Variants in BCAS3 observed in about 807,000 individuals in gnomAD.
BCAS3 encodes the protein BCAS4/BCAS3 fusion.
BCAS3 carries 53 observed loss-of-function variants against 116.1 expected under a neutral mutation model. The ratio of observed to expected loss-of-function variants is 0.46; its 90% CI spans 0.37 to 0.57. The LOEUF (loss-of-function observed/expected upper bound fraction) is 0.57, where lower values mean the gene tolerates loss of function less well. Ranked by LOEUF, BCAS3 falls within the 20% of genes least tolerant of loss-of-function variation. The pLI is 0.00. For synonymous variants in BCAS3, 391 were observed against 408.2 expected (o/e 0.96, Z 0.51); for missense variants, 917 against 1,165.4 (o/e 0.79, Z 3.10).
chr17:61,296,543 C>T (rs1319489549), intron 22 of BCAS3, among the ~76,000 whole-genome samples: 1 of 152,218 alleles, frequency 6.6e-6, no homozygotes, highest in Non-Finnish European at 1.5e-5. Context: ...CCAAAGTTCT[C>T]ATTCCCCAGT....
At chr17:61,046,093 TA>T (rs1168469009) in intron 19 of BCAS3, among the ~76,000 whole-genome samples, 3 of 51,494 alleles carry the variant, frequency 5.8e-5, no homozygotes, top group African/African-American at 8.7e-5. Flanking sequence ...TATATATATA[TA>T]TAATATATAT....
At chr17:61,027,423 T>G (rs2066332611) in intron 16 of BCAS3, 1 of 439,166 alleles carries the variant, frequency 2.3e-6, no homozygotes, top group African/African-American at 2.0e-5. Flanking sequence ...ACAAAATATA[T>G]ATTTTACATA....
At position 61,235,230 on chromosome 17, in the gene BCAS3, AT is replaced by A. The variant is rs2082948232; in HGVS notation, c.2426-133094del. Among the ~76,000 whole-genome samples, 1 of 152,168 alleles carries A rather than the reference AT, an allele frequency of 6.6e-6. No homozygotes were observed. Among genetic ancestry groups the A allele is most frequent in the Non-Finnish European group, 1.5e-5 (1 of 68,034 alleles). ...CTAAGCACTTTAAATGTGTCAACTCATTTGGTCTCTTTGAAAAGAGTGGCCA... is the reference window on the plus strand; with the variant it reads ...CTAAGCACTTTAAATGTGTCAACTCATTGGTCTCTTTGAAAAGAGTGGCCA... On this transcript the variant is annotated intron_variant, in intron 22 of 23. Transcript: ENST00000407086. The surrounding 1 kb of genome is among the most constrained non-coding windows in gnomAD (Gnocchi z 5.0).
chr17:60,718,175 G>A (rs1383349205), intron 5 of BCAS3, among the ~76,000 whole-genome samples: 1 of 152,152 alleles, frequency 6.6e-6, no homozygotes, highest in Non-Finnish European at 1.5e-5. Context: ...CCTGCTGTGA[G>A]GCCTGGTTTG....
chr17:60,793,037 A>G (rs1036894781), intron 6 of BCAS3, among the ~76,000 whole-genome samples: 1 of 151,990 alleles, frequency 6.6e-6, no homozygotes, highest in African/African-American at 2.4e-5. Context: ...AATGTTCTCA[A>G]GGTTCATCCA....
chr17:61,375,818 C>A (rs2059311937), intron 23 of BCAS3, among the ~76,000 whole-genome samples: 2 of 152,240 alleles, frequency 1.3e-5, no homozygotes, highest in Non-Finnish European at 2.9e-5. Flanking sequence ...GGTGATCCAC[C>A]CACCTCGGCC....
At chr17:60,888,635 A>G (rs1330909686) in intron 9 of BCAS3, among the ~76,000 whole-genome samples, 1 of 152,134 alleles carries the variant, frequency 6.6e-6, no homozygotes, top group Non-Finnish European at 1.5e-5. Flanking sequence ...ATATGTTTCC[A>G]TAATATGCAT....
At chr17:60,915,308 G>C (rs751413491) in intron 12 of BCAS3, among the ~76,000 whole-genome samples, 2 of 152,102 alleles carry the variant, frequency 1.3e-5, no homozygotes, top group Non-Finnish European at 1.5e-5. Context: ...TGTTAACTAG[G>C]CTACAGGTCT....
Position 61,367,024 on chromosome 17 carries a change from C to G in BCAS3, c.2426-1303C>G, listed in dbSNP as rs534607773. Among the ~76,000 whole-genome samples the G allele has an allele frequency of 5.9e-5, 9 of 152,300 alleles. No homozygotes were observed. The South Asian group carries it at 1.9e-3, about 32-fold the overall frequency. ...CATTATCAGAGGCAGGACCGCCTGCCGAGGCTGGGGCTCGCACCCTCTCTA... is the reference window on the plus strand; with the variant it reads ...CATTATCAGAGGCAGGACCGCCTGCGGAGGCTGGGGCTCGCACCCTCTCTA... On this transcript the variant is annotated intron_variant, in intron 22 of 23. Transcript: ENST00000407086. This position sits in a 1 kb window ranked among gnomAD's most constrained non-coding sequence, Gnocchi z 6.2.
intron 4 of BCAS3, among the ~76,000 whole-genome samples, chr17:60,707,199 G>T (rs2037273233): frequency 6.6e-6 from 1 of 151,990 alleles, no homozygotes; most frequent in African/African-American, 2.4e-5. Flanking sequence ...CTCCATGTTG[G>T]TCAGGCTGGT....
intron 5 of BCAS3, among the ~76,000 whole-genome samples, chr17:60,728,121 G>A (rs2040092728): frequency 6.6e-6 from 1 of 151,912 alleles, no homozygotes; most frequent in Non-Finnish European, 1.5e-5. Context: ...GTTTTTGGTG[G>A]TATACTTTCT....
chr17:60,945,034 A>G (rs9914370), intron 13 of BCAS3, among the ~76,000 whole-genome samples: 29,545 of 152,038 alleles, frequency 0.19, 3,276 homozygotes, highest in African/African-American at 0.31. Context: ...GATTGTTCCT[A>G]AACTACGTAA....
chr17:61,135,550 A>C (rs72844919), intron 22 of BCAS3, among the ~76,000 whole-genome samples: 2,353 of 152,312 alleles, frequency 0.015, 32 homozygotes, highest in Non-Finnish European at 0.022. Context: ...TTCATTTTTT[A>C]ACTGATCAGC....
chr17:61,271,861 G>A (rs540067924), intron 22 of BCAS3, among the ~76,000 whole-genome samples: 1 of 152,210 alleles, frequency 6.6e-6, no homozygotes, highest in African/African-American at 2.4e-5. Context: ...CCAGACAGGA[G>A]TGCAATGGTG....
intron 13 of BCAS3, among the ~76,000 whole-genome samples, chr17:60,937,305 G>A (rs991284965): frequency 6.6e-6 from 1 of 151,574 alleles, no homozygotes; most frequent in South Asian, 2.1e-4. Flanking sequence ...TCTTCCATGG[G>A]GGTGGGGTGG....
intron 22 of BCAS3, among the ~76,000 whole-genome samples, chr17:61,291,982 C>T (rs1007976284): frequency 2.0e-5 from 3 of 152,000 alleles, no homozygotes; most frequent in African/African-American, 7.3e-5. Context: ...CTCAGACCAG[C>T]ATTTAGTGTT....
At chr17:60,808,358 C>T (rs1427910738) in intron 7 of BCAS3, among the ~76,000 whole-genome samples, 1 of 152,090 alleles carries the variant, frequency 6.6e-6, no homozygotes, top group Admixed American at 6.5e-5. Context: ...TTAGTGCATT[C>T]CCTCAAATTG....
At chr17:61,319,895 T>A (rs1311009204) in intron 22 of BCAS3, among the ~76,000 whole-genome samples, 3 of 129,052 alleles carry the variant, frequency 2.3e-5, no homozygotes, top group African/African-American at 1.1e-4. Context: ...TTTTATTTTT[T>A]ATTTTTTTTT....
At chr17:61,045,142 T>C (rs552501819) in intron 19 of BCAS3, among the ~76,000 whole-genome samples, 3 of 152,070 alleles carry the variant, frequency 2.0e-5, no homozygotes, top group Non-Finnish European at 4.4e-5. Context: ...CTCAGAAGAA[T>C]ATATTTTCAA....
Sources: gnomAD v4.1 joint callset for allele counts (sites outside exome capture counted in the v4.1 genomes callset) on GRCh38, gnomAD v4.1.1 for gene constraint, Gnocchi (gnomAD v3.1) non-coding constraint, MANE v1.5 for transcripts, NCBI Gene and HGNC (gene_info 2026-07-23, HGNC 2026-07-21) for gene names.